The following NFIB variants were observed in gnomAD, a reference collection of about 807,000 sequenced individuals.
NFIB encodes nuclear factor I B.
Under a neutral mutation model 61.5 loss-of-function variants are expected in NFIB, and 11 were observed. The observed-to-expected ratio is 0.18, with a 90% CI of 0.11 to 0.30. NFIB has a LOEUF of 0.30. Ranked by LOEUF, NFIB falls within the 10% of genes least tolerant of loss-of-function variation. The probability of loss-of-function intolerance (pLI) is 1.00; values close to 1 mark genes in which losing one functional copy is unlikely to be tolerated. For missense variants in NFIB, 471 were observed against 608.9 expected, an observed-to-expected ratio of 0.77 and a Z score of 2.38; for synonymous variants, 260 against 216.5, an observed-to-expected ratio of 1.20 and a Z score of -1.76.
intron 2 of NFIB, among the ~76,000 whole-genome samples, chr9:14,207,308 G>C (rs1324597844): frequency 6.6e-6 from 1 of 152,172 alleles, no homozygotes; most frequent in Non-Finnish European, 1.5e-5. Flanking sequence ...CCAGGTAGAG[G>C]TTGCACCTCT....
chr9:14,523,721 G>A, the NFIB span, among the ~76,000 whole-genome samples: 1 of 152,066 alleles, frequency 6.6e-6, no homozygotes, highest in Non-Finnish European at 1.5e-5. Context: ...TTAGACCCCT[G>A]AACGATCTCA....
chr9:14,150,468 G>A (rs902220445), intron 4 of NFIB, among the ~76,000 whole-genome samples: 1 of 152,048 alleles, frequency 6.6e-6, no homozygotes, highest in Non-Finnish European at 1.5e-5. Flanking sequence ...GAAATTTGAG[G>A]CAATCAGATT....
chr9:14,269,991 A>G (rs1813272503), intron 2 of NFIB, among the ~76,000 whole-genome samples: 1 of 152,208 alleles, frequency 6.6e-6, no homozygotes, highest in Non-Finnish European at 1.5e-5. Context: ...GGGCAAATTC[A>G]TTATTTATAC....
intron 2 of NFIB, among the ~76,000 whole-genome samples, chr9:14,300,786 A>G (rs1357949091): frequency 1.3e-5 from 2 of 152,206 alleles, no homozygotes; most frequent in Non-Finnish European, 2.9e-5. Context: ...CTAACTGGCC[A>G]GCAGTGATGG....
intron 2 of NFIB, among the ~76,000 whole-genome samples, chr9:14,222,783 A>T (rs4741351): frequency 8.0e-6 from 1 of 125,074 alleles, no homozygotes; most frequent in Non-Finnish European, 1.6e-5. Context: ...GCAACAGAGT[A>T]AGATCCTGTC....
the NFIB span, among the ~76,000 whole-genome samples, chr9:14,480,670 C>T: frequency 6.6e-6 from 1 of 152,138 alleles, no homozygotes; most frequent in Non-Finnish European, 1.5e-5. Flanking sequence ...AAGTTCCACG[C>T]TGGCAAATTC....
chr9:14,449,827 C>T, the NFIB span, among the ~76,000 whole-genome samples: 3 of 151,790 alleles, frequency 2.0e-5, no homozygotes, highest in Non-Finnish European at 2.9e-5. Context: ...CCAACTACTC[C>T]GGAGGCTGAG....
Position 14,313,621 on chromosome 9 carries a change from A to T in NFIB, c.-110T>A. 6.3e-7 allele frequency: 1 copy of T among 1,592,572 alleles called. No individual in the cohort carries two copies. The highest frequency in any genetic ancestry group is 2.3e-5 in the East Asian group (1 of 44,252). ...TCTGAGCCCCGCGATGCGATCAATC[A>T]GGACGGGGCTCTGCGCTGGATCACC... On this transcript the variant is annotated 5_prime_UTR_variant, in exon 1 of 11. Coordinates refer to ENST00000380953, the MANE Select transcript of NFIB (RefSeq NM_001190737.2). The surrounding 1 kb of genome is among the most constrained non-coding windows in gnomAD (Gnocchi z 4.5).
intron 2 of NFIB, among the ~76,000 whole-genome samples, chr9:14,244,785 T>TA (rs937220772): frequency 3.3e-5 from 5 of 152,260 alleles, no homozygotes; most frequent in Non-Finnish European, 5.9e-5. Flanking sequence ...CAATAAGTAC[T>TA]AAAAAAATAG....
chr9:14,467,452 T>C, the NFIB span, among the ~76,000 whole-genome samples: 2 of 151,992 alleles, frequency 1.3e-5, no homozygotes, highest in Non-Finnish European at 2.9e-5. Flanking sequence ...TGGAAGAGGA[T>C]GAAAATAGGC....
chr9:14,275,112 G>A (rs1459802613), intron 2 of NFIB, among the ~76,000 whole-genome samples: 1 of 152,162 alleles, frequency 6.6e-6, no homozygotes, highest in Middle Eastern at 3.2e-3. Flanking sequence ...ACGTCCCAGT[G>A]TATTCAACGG....
chr9:14,289,704 C>A (rs2058966266), intron 2 of NFIB, among the ~76,000 whole-genome samples: 1 of 151,794 alleles, frequency 6.6e-6, no homozygotes, highest in African/African-American at 2.4e-5. Flanking sequence ...TATCCAGGGA[C>A]TTAATTATAT....
chr9:14,342,119 C>G (rs1332131010), intron 1 of NFIB, among the ~76,000 whole-genome samples: 1 of 152,152 alleles, frequency 6.6e-6, no homozygotes, highest in South Asian at 2.1e-4. Flanking sequence ...AGCAAAAGCT[C>G]TCTGGGCCTG....
the NFIB span, among the ~76,000 whole-genome samples, chr9:14,414,472 C>T: frequency 7.0e-6 from 1 of 142,982 alleles, no homozygotes; most frequent in East Asian, 2.0e-4. Flanking sequence ...TTGGACATAA[C>T]TGGATACCAA....
chr9:14,428,366 T>C, the NFIB span, among the ~76,000 whole-genome samples: 4 of 152,186 alleles, frequency 2.6e-5, no homozygotes, highest in Non-Finnish European at 4.4e-5. Flanking sequence ...CTCAACTCTC[T>C]TTGAATCTCC....
At chr9:14,393,640 C>T (rs2061650456) in intron 1 of NFIB, among the ~76,000 whole-genome samples, 3 of 152,128 alleles carry the variant, frequency 2.0e-5, no homozygotes. Flanking sequence ...GAATGTCATC[C>T]AAAAAACTAA....
chr9:14,457,540 C>CA, the NFIB span, among the ~76,000 whole-genome samples: 3 of 146,522 alleles, frequency 2.0e-5, no homozygotes, highest in Non-Finnish European at 4.5e-5. Context: ...GACAGAGACA[C>CA]AAAAAACCCT....
At chr9:14,515,237 G>A in the NFIB span, among the ~76,000 whole-genome samples, 22 of 152,090 alleles carry the variant, frequency 1.4e-4, no homozygotes, top group African/African-American at 4.1e-4. Context: ...GGAAGACCCC[G>A]TGGGCAGGGA....
the NFIB span, among the ~76,000 whole-genome samples, chr9:14,517,777 A>G: frequency 6.6e-6 from 1 of 152,050 alleles, no homozygotes; most frequent in African/African-American, 2.4e-5. Flanking sequence ...TTACAGCATG[A>G]TGCCTTTTTC....
Sources: gnomAD v4.1 joint callset for allele counts (sites outside exome capture counted in the v4.1 genomes callset) on GRCh38, gnomAD v4.1.1 for gene constraint, Gnocchi (gnomAD v3.1) non-coding constraint, MANE v1.5 for transcripts, NCBI Gene and HGNC (gene_info 2026-07-23, HGNC 2026-07-21) for gene names.